Variants in VWA8 observed in about 807,000 individuals in gnomAD.
VWA8 encodes the protein von Willebrand factor A domain containing 8, also known as von Willebrand factor A domain-containing protein 8.
In VWA8, 221 loss-of-function variants were observed where a neutral mutation model predicts 241.5. The observed-to-expected ratio is 0.91, with a 90% confidence interval of 0.82 to 1.02. The LOEUF (loss-of-function observed/expected upper bound fraction) is 1.02. Ranked by LOEUF, VWA8 falls within the 50% of genes least tolerant of loss-of-function variation. The pLI, the probability that VWA8 is intolerant of heterozygous loss-of-function variation, is 0.00. For missense variants in VWA8, 2,322 were observed against 2,328.7 expected (o/e 1.00, Z 0.06); for synonymous variants, 852 against 827.1 (o/e 1.03, Z -0.52).
At chr13:41,861,676 A>C (rs139477169) in intron 12 of VWA8, among the ~76,000 whole-genome samples, 3 of 152,318 alleles carry the variant, frequency 2.0e-5, no homozygotes, top group Non-Finnish European at 2.9e-5. Context: ...AAGCCAAATC[A>C]AGAACACAAT....
intron 19 of VWA8, among the ~76,000 whole-genome samples, chr13:41,781,668 T>C (rs1868891506): frequency 6.6e-6 from 1 of 152,200 alleles, no homozygotes; most frequent in Non-Finnish European, 1.5e-5. Flanking sequence ...TTCTCTTTCC[T>C]CCAACTTCTC....
chr13:41,711,057 G>A (rs1490749713), intron 26 of VWA8, among the ~76,000 whole-genome samples: 1 of 152,186 alleles, frequency 6.6e-6, no homozygotes, highest in African/African-American at 2.4e-5. Context: ...GCTCTGAAAA[G>A]ATAAATACTA....
intron 37 of VWA8, among the ~76,000 whole-genome samples, chr13:41,618,808 C>A (rs185499613): frequency 2.0e-5 from 3 of 152,010 alleles, no homozygotes; most frequent in Non-Finnish European, 4.4e-5. Flanking sequence ...ATTTCTGAGG[C>A]CTCTGTTCTG....
intron 22 of VWA8, among the ~76,000 whole-genome samples, chr13:41,731,042 A>T (rs1322617635): frequency 6.6e-6 from 1 of 150,760 alleles, no homozygotes; most frequent in South Asian, 2.1e-4. Context: ...AATAAAAAAT[A>T]AAAAAATAAA....
At chr13:41,921,513 T>A (rs1024375742) in intron 2 of VWA8, among the ~76,000 whole-genome samples, 7 of 152,226 alleles carry the variant, frequency 4.6e-5, no homozygotes, top group Admixed American at 3.9e-4. Flanking sequence ...TGTTTGCAGA[T>A]GACATGACTG....
At chr13:41,753,374 T>C (rs1331062041) in intron 21 of VWA8, among the ~76,000 whole-genome samples, 1 of 152,156 alleles carries the variant, frequency 6.6e-6, no homozygotes, top group African/African-American at 2.4e-5. Context: ...AATTTTAATT[T>C]TAGACATGTA....
chr13:41,825,878 T>C (rs1317822077), intron 14 of VWA8, among the ~76,000 whole-genome samples: 1 of 152,192 alleles, frequency 6.6e-6, no homozygotes, highest in Non-Finnish European at 1.5e-5. Flanking sequence ...GATCAACACA[T>C]GCTAGATAAT....
At chr13:41,588,687 C>G (rs2044435478) in intron 41 of VWA8, among the ~76,000 whole-genome samples, 1 of 146,158 alleles carries the variant, frequency 6.8e-6, no homozygotes, top group Non-Finnish European at 1.5e-5. Context: ...TGCCACTGCA[C>G]TAAAGCCTGG....
chr13:41,843,234 T>C (rs1872137340), intron 12 of VWA8, among the ~76,000 whole-genome samples: 1 of 152,124 alleles, frequency 6.6e-6, no homozygotes. Flanking sequence ...CCCCAGCATA[T>C]ACAAACTAAA....
intron 40 of VWA8, among the ~76,000 whole-genome samples, chr13:41,598,265 T>C (rs1343168817): frequency 1.3e-5 from 2 of 152,086 alleles, no homozygotes; most frequent in Non-Finnish European, 2.9e-5. Flanking sequence ...TTCTATTCCT[T>C]CTCTATACCA....
intron 37 of VWA8, among the ~76,000 whole-genome samples, chr13:41,645,309 T>C (rs1441475873): frequency 1.3e-5 from 2 of 152,238 alleles, no homozygotes; most frequent in Non-Finnish European, 2.9e-5. Context: ...GTATGTATCA[T>C]GTTAATATTA....
intron 9 of VWA8, among the ~76,000 whole-genome samples, chr13:41,882,002 C>T (rs530894955): frequency 3.3e-5 from 5 of 151,566 alleles, no homozygotes; most frequent in African/African-American, 1.2e-4. Context: ...CTCCTCACTT[C>T]TCAGATGGGG....
At chr13:41,815,252 G>A (rs954818306) in intron 16 of VWA8, among the ~76,000 whole-genome samples, 2 of 152,140 alleles carry the variant, frequency 1.3e-5, no homozygotes, top group Non-Finnish European at 2.9e-5. Flanking sequence ...CCCCAGAGGG[G>A]GATTAAGTAT....
intron 42 of VWA8, among the ~76,000 whole-genome samples, chr13:41,579,517 C>G (rs1341586287): frequency 6.6e-6 from 1 of 152,172 alleles, no homozygotes; most frequent in Non-Finnish European, 1.5e-5. Context: ...AACCTTGTTT[C>G]TACCTTGTAA....
At chr13:41,785,732 T>C (rs1053104342) in intron 18 of VWA8, among the ~76,000 whole-genome samples, 1 of 152,136 alleles carries the variant, frequency 6.6e-6, no homozygotes, top group African/African-American at 2.4e-5. Flanking sequence ...AGGAAAACCA[T>C]GAGCTGTAAC....
chr13:41,611,547 G>A, intron 39 of VWA8, 29 bp downstream of exon 39: 1 of 1,611,514 alleles, frequency 6.2e-7, no homozygotes, highest in Non-Finnish European at 8.5e-7. Context: ...TAGCAGTAGT[G>A]CTGGTCTAAA....
chr13:41,839,305 G>A (rs1871884520), intron 12 of VWA8, among the ~76,000 whole-genome samples: 1 of 152,160 alleles, frequency 6.6e-6, no homozygotes, highest in African/African-American at 2.4e-5. Context: ...CTTTTGAAAA[G>A]TGACTGTTCA....
At chr13:41,630,281 G>GC (rs1220319124) in intron 37 of VWA8, among the ~76,000 whole-genome samples, 4 of 149,938 alleles carry the variant, frequency 2.7e-5, no homozygotes, top group African/African-American at 1.0e-4. Context: ...TCAACCATCA[G>GC]CCCCTCCTTG....
rs372498736 is a variant in VWA8, at chr13:41,671,008, G to A, written c.4549C>T (p.Arg1517Cys). The change falls in exon 37 of 45, where the codon CGT (arginine) becomes TGT (cysteine). Residue 1517 changes from arginine to cysteine, a missense_variant. Transcript: ENST00000379310. ...HIRLWETGLE[R>C]LQRSLMEWRN... is the part of the protein sequence containing the mutation. ...CATTCCATGAGTGATCGCTGCAGACGTTCAAGTCCAGTTTCCCAAAGCCTG... is the reference window on the plus strand; with the variant it reads ...CATTCCATGAGTGATCGCTGCAGACATTCAAGTCCAGTTTCCCAAAGCCTG... 57 of 1,613,782 alleles carry A rather than the reference G, an allele frequency of 3.5e-5. No homozygotes were observed. The highest frequency in any genetic ancestry group is 2.9e-4 in the South Asian group (26 of 91,078).
Sources: allele counts gnomAD v4.1 joint callset (sites outside exome capture counted in the v4.1 genomes callset), GRCh38; gene constraint gnomAD v4.1.1; transcripts MANE v1.5; gene names NCBI Gene and HGNC (gene_info 2026-07-23, HGNC 2026-07-21).